The following LMF1 variants were observed in gnomAD, a reference collection of about 807,000 sequenced individuals.
LMF1 encodes lipase maturation factor 1.
Under a neutral mutation model 60.6 loss-of-function variants are expected in LMF1, and 68 were observed. The observed-to-expected ratio is 1.12, with a 90% CI of 0.92 to 1.37. The LOEUF (loss-of-function observed/expected upper bound fraction) is 1.37. Ranked by LOEUF, LMF1 falls within the 40% of genes most tolerant of loss-of-function variation. The probability of loss-of-function intolerance (pLI) is 0.00; values close to 1 mark genes in which losing one functional copy is unlikely to be tolerated. For missense variants in LMF1, 948 were observed against 767.2 expected, an observed-to-expected ratio of 1.24 and a Z score of -2.78; for synonymous variants, 418 against 324.7, an observed-to-expected ratio of 1.29 and a Z score of -3.09.
At chr16:907,385 G>A (rs988809371) in intron 4 of LMF1, among the ~76,000 whole-genome samples, 21 of 152,016 alleles carry the variant, frequency 1.4e-4, no homozygotes, top group Middle Eastern at 3.4e-3. Flanking sequence ...TGGGTGACAA[G>A]GCGAGACTCC....
At chr16:855,310 G>A (rs2069155530) in intron 10 of LMF1, 2 of 268,398 alleles carry the variant, frequency 7.5e-6, no homozygotes, top group Non-Finnish European at 1.5e-5. Context: ...TGTCATGCCC[G>A]AGTGGGATGA....
chr16:947,875 G>C (rs942228503), intron 2 of LMF1, among the ~76,000 whole-genome samples: 10 of 151,966 alleles, frequency 6.6e-5, no homozygotes, highest in Admixed American at 5.2e-4. Context: ...GACAGAGTCA[G>C]CCAACGACAG....
At chr16:893,982 C>T (rs1432021442) in intron 4 of LMF1, among the ~76,000 whole-genome samples, 1 of 151,916 alleles carries the variant, frequency 6.6e-6, no homozygotes, top group East Asian at 1.9e-4. Flanking sequence ...GGGCTCCATC[C>T]ACCTGTCCAC....
intron 2 of LMF1, among the ~76,000 whole-genome samples, chr16:943,789 T>C (rs1232066192): frequency 1.3e-5 from 2 of 150,012 alleles, no homozygotes; most frequent in Non-Finnish European, 3.0e-5. Context: ...GTATCTGTAA[T>C]GGCTGCCTCA....
At position 857,822 on chromosome 16, in the gene LMF1, A is replaced by C. The variant is rs373550963; in HGVS notation, c.1530-3116T>G. On this transcript the variant is annotated intron_variant, in intron 10 of 10. Coordinates refer to ENST00000262301, the MANE Select transcript of LMF1 (RefSeq NM_022773.4). ...TGCGTGGTGTCTCGGGATGGGTGTGAGTGGTGTCTCGGGATGGGTGTGAGT... is the reference window on the plus strand; with the variant it reads ...TGCGTGGTGTCTCGGGATGGGTGTGCGTGGTGTCTCGGGATGGGTGTGAGT... Among the ~76,000 whole-genome samples, 7 of 27,362 alleles carry C rather than the reference A, an allele frequency of 2.6e-4. No individual in the cohort carries two copies. In the East Asian group the frequency reaches 3.1e-3, roughly 12 times the overall value. The allele number at this position is 27,362 out of a possible 152,430, so 18.0% of individuals were successfully genotyped here.
At position 870,851 on chromosome 16, in the gene LMF1, C is replaced by A. The variant is rs370181310; in HGVS notation, c.1110G>T (p.Ser370=). 25 of 1,610,766 alleles carry A rather than the reference C, an allele frequency of 1.6e-5. No homozygotes were observed. Among genetic ancestry groups the A allele is most frequent in the Non-Finnish European group, 2.1e-5 (25 of 1,179,714 alleles). ...GSVVRRAANV[S]LGVLLAWLSV... is the part of the protein sequence containing the mutation. ...TGAGCCAGGCCAGCAGGACGCCCAGCGAGACGTTGGCTGCACGCCGCACCA... is the reference window on the plus strand; with the variant it reads ...TGAGCCAGGCCAGCAGGACGCCCAGAGAGACGTTGGCTGCACGCCGCACCA... The change falls in exon 8 of 11, where the codon TCG becomes TCT. Residue 370 remains serine (S), a synonymous_variant. Coordinates refer to ENST00000262301, the MANE Select transcript of LMF1 (RefSeq NM_022773.4).
chr16:963,975 C>T (rs1431795419), intron 1 of LMF1: 10 of 447,882 alleles, frequency 2.2e-5, no homozygotes, highest in East Asian at 7.0e-5. Context: ...CGGAAGGCCC[C>T]GTCACTACCC....
chr16:928,896 A>G (rs2071689655), intron 3 of LMF1, among the ~76,000 whole-genome samples: 1 of 152,184 alleles, frequency 6.6e-6, no homozygotes, highest in African/African-American at 2.4e-5. Context: ...GGGGGCCTAA[A>G]ACACTCCAAA....
upstream of LMF1, among the ~76,000 whole-genome samples, chr16:975,013 C>T (rs776190160): frequency 1.3e-5 from 2 of 151,606 alleles, no homozygotes; most frequent in African/African-American, 2.4e-5. Context: ...TGTCCAGCGG[C>T]CAACCCCCCC....
At chr16:933,574 AGC>A in intron 3 of LMF1, 11 of 188,794 alleles carry the variant, frequency 5.8e-5, no homozygotes, top group South Asian at 3.5e-4. Flanking sequence ...GGCCTTTACC[AGC>A]AAAGACCGGC....
At chr16:879,897 A>G (rs1275714591) in intron 5 of LMF1, among the ~76,000 whole-genome samples, 160 bp from the exon 6 acceptor site, 1 of 152,152 alleles carries the variant, frequency 6.6e-6, no homozygotes, top group African/African-American at 2.4e-5. Context: ...CTGCCACGCT[A>G]AGAGGGGCCA....
intron 10 of LMF1, among the ~76,000 whole-genome samples, chr16:862,701 T>TA (rs921944090): frequency 6.6e-6 from 1 of 151,788 alleles, no homozygotes; most frequent in Non-Finnish European, 1.5e-5. Flanking sequence ...CTACAAAAAC[T>TA]AAAAAAATTA....
At position 854,412 on chromosome 16, in the gene LMF1, C is replaced by A; in HGVS notation, c.*120G>T. The A allele has an allele frequency of 9.7e-7, 1 of 1,029,236 alleles. No individual in the cohort carries two copies. Among genetic ancestry groups the A allele is most frequent in the Non-Finnish European group, 1.4e-6 (1 of 693,224 alleles). The allele number at this position is 1,029,236 out of a possible 1,614,324, so 63.8% of individuals were successfully genotyped here. Reference sequence around the variant, plus strand: ...TGGACCCCCGTGCTGGGGGCTGGGTCCCACCGCTCTCCTCTCCACGTCTCT... The same window carrying A: ...TGGACCCCCGTGCTGGGGGCTGGGTACCACCGCTCTCCTCTCCACGTCTCT... On this transcript the variant is annotated 3_prime_UTR_variant, in exon 11 of 11. Coordinates refer to ENST00000262301, the MANE Select transcript of LMF1 (RefSeq NM_022773.4).
Position 868,943 on chromosome 16 carries a change from C to A in LMF1, c.1529+1G>T. On this transcript the variant is annotated splice_donor_variant, in intron 10 of 10. Transcript: ENST00000262301. LOFTEE classifies it high-confidence loss of function. ...GAGCAGCGGCAGGGAGGGCATCCTA[C>A]CTGGGCGGGGGCCTGCCCGCGAAGG... 2 of 1,604,234 alleles carry A rather than the reference C, an allele frequency of 1.2e-6. No homozygotes were observed. Among genetic ancestry groups the A allele is most frequent in the Non-Finnish European group, 1.7e-6 (2 of 1,173,538 alleles).
intron 5 of LMF1, among the ~76,000 whole-genome samples, chr16:882,033 T>G: frequency 6.6e-6 from 1 of 152,042 alleles, no homozygotes. Flanking sequence ...GGCCCTTGGA[T>G]GTTTGTGTCC....
intron 10 of LMF1, among the ~76,000 whole-genome samples, chr16:858,488 C>T (rs371629936): frequency 8.8e-5 from 2 of 22,836 alleles, no homozygotes; most frequent in East Asian, 2.2e-3. Flanking sequence ...TGACTCGGGA[C>T]GGGTGTGCGT....
intron 1 of LMF1, among the ~76,000 whole-genome samples, chr16:978,004 A>AT (rs2073209559): frequency 4.4e-5 from 6 of 136,112 alleles, no homozygotes; most frequent in Admixed American, 7.4e-5. Context: ...ACACACACAC[A>AT]CCACACACAC....
chr16:954,402 G>A lies in LMF1; in HGVS notation c.458C>T (p.Ala153Val), dbSNP rs781259146. The A allele has an allele frequency of 1.9e-6, 3 of 1,612,708 alleles. No homozygotes were observed. The highest frequency in any genetic ancestry group is 2.2e-5 in the East Asian group (1 of 44,886). The change falls in exon 2 of 11, where the codon GCC becomes GTC. Residue 153 changes from alanine to valine, a missense_variant. Transcript: ENST00000262301. Reference sequence around the variant, plus strand: ...CAGGGACATGTAGAGGCCCCACAGGGCAGCCATGAGAAGCATGTTGGCGCA... The same window carrying A: ...CAGGGACATGTAGAGGCCCCACAGGACAGCCATGAGAAGCATGTTGGCGCA... Reference protein sequence around the residue: ...TGCANMLLMAALWGLYMSLVN... With the variant: ...TGCANMLLMAVLWGLYMSLVN...
Position 962,601 on chromosome 16 carries a change from C to T in LMF1, c.194-7935G>A, listed in dbSNP as rs562770267. Among the ~76,000 whole-genome samples the T allele has an allele frequency of 6.6e-6, 1 of 152,276 alleles. No homozygotes were observed. Among genetic ancestry groups the T allele is most frequent in the Admixed American group, 6.5e-5 (1 of 15,300 alleles). On this transcript the variant is annotated intron_variant, in intron 1 of 10. Coordinates refer to ENST00000262301, the MANE Select transcript of LMF1 (RefSeq NM_022773.4). The surrounding 1 kb of genome is among the most constrained non-coding windows in gnomAD (Gnocchi z 4.5). ...CAAAACCCATCACCCAGTCTAATTG[C>T]GAGGAAACACCAGACGGACCCAACG... is the stretch of plus-strand genomic sequence containing the variant.
Sources: gnomAD v4.1 joint callset for allele counts (sites outside exome capture counted in the v4.1 genomes callset) on GRCh38, gnomAD v4.1.1 for gene constraint, Gnocchi (gnomAD v3.1) non-coding constraint, MANE v1.5 for transcripts, NCBI Gene and HGNC (gene_info 2026-07-23, HGNC 2026-07-21) for gene names.